The following BTBD9 variants were observed in gnomAD, a reference collection of about 807,000 sequenced individuals.
The protein encoded by BTBD9 is BTB/POZ domain-containing protein 9.
A neutral mutation model predicts 64.3 loss-of-function variants in BTBD9; 49 were observed. That is an observed-to-expected ratio of 0.76 (90% CI 0.61 to 0.97). BTBD9 has a LOEUF of 0.97. Ranked by LOEUF, BTBD9 falls within the 50% of genes least tolerant of loss-of-function variation. BTBD9 has a pLI of 0.00. For synonymous variants in BTBD9, 260 were observed against 274.7 expected (o/e 0.95, Z 0.53); for missense variants, 598 against 762.1 (o/e 0.78, Z 2.53).
intron 9 of BTBD9, among the ~76,000 whole-genome samples, chr6:38,227,040 G>A (rs924712166): frequency 6.6e-6 from 1 of 152,192 alleles, no homozygotes; most frequent in South Asian, 2.1e-4. Flanking sequence ...GCAGAGGCTG[G>A]GGCAATGTGA....
intron 7 of BTBD9, among the ~76,000 whole-genome samples, chr6:38,290,158 AAAGG>A (rs1761904195): frequency 1.3e-5 from 2 of 150,522 alleles, no homozygotes; most frequent in Admixed American, 6.7e-5. Flanking sequence ...CACAGAGAAG[AAAGG>A]AAGGGAGAGG....
At chr6:38,370,596 G>T (rs1765377666) in intron 6 of BTBD9, among the ~76,000 whole-genome samples, 1 of 152,134 alleles carries the variant, frequency 6.6e-6, no homozygotes, top group African/African-American at 2.4e-5. Flanking sequence ...AGTGACAAAA[G>T]ACATAAATTA....
intron 9 of BTBD9, among the ~76,000 whole-genome samples, chr6:38,234,442 A>G (rs1441843903): frequency 6.6e-6 from 1 of 152,234 alleles, no homozygotes; most frequent in Non-Finnish European, 1.5e-5. Context: ...GCTCGACCCC[A>G]CATGGAAGAG....
intron 9 of BTBD9, among the ~76,000 whole-genome samples, chr6:38,229,629 A>G (rs1162276846): frequency 6.6e-6 from 1 of 152,326 alleles, no homozygotes; most frequent in East Asian, 1.9e-4. Flanking sequence ...GGTTTGTAGC[A>G]GCCCCACCTA....
intron 7 of BTBD9, among the ~76,000 whole-genome samples, chr6:38,313,054 T>A (rs1269555437): frequency 1.3e-5 from 2 of 152,174 alleles, no homozygotes; most frequent in African/African-American, 4.8e-5. Context: ...ATATCTTTAC[T>A]TTTTTTGTGT....
chr6:38,271,901 C>T (rs1765208369), intron 8 of BTBD9, among the ~76,000 whole-genome samples: 1 of 147,782 alleles, frequency 6.8e-6, no homozygotes, highest in Admixed American at 7.0e-5. Context: ...GTGACAACTG[C>T]AGTGGCAATT....
At chr6:38,495,372 CA>C (rs1771905449) in intron 6 of BTBD9, among the ~76,000 whole-genome samples, 1 of 152,198 alleles carries the variant, frequency 6.6e-6, no homozygotes. Flanking sequence ...TTCTTACCAA[CA>C]AAAGAATGCA....
At chr6:38,318,278 G>A (rs1048880542) in intron 7 of BTBD9, among the ~76,000 whole-genome samples, 1 of 152,148 alleles carries the variant, frequency 6.6e-6, no homozygotes, top group Non-Finnish European at 1.5e-5. Context: ...TATTTAATTC[G>A]TCTGGTGAGG....
chr6:38,369,699 T>C (rs1343220357), intron 6 of BTBD9, among the ~76,000 whole-genome samples: 3 of 152,318 alleles, frequency 2.0e-5, no homozygotes, highest in Non-Finnish European at 2.9e-5. Context: ...TTGGGCAAAA[T>C]TGGAGCTTTA....
chr6:38,417,802 A>AGAGAGAGAGAGAGAGAG (rs55963730), intron 6 of BTBD9, among the ~76,000 whole-genome samples: 1 of 102,432 alleles, frequency 9.8e-6, no homozygotes, highest in African/African-American at 4.5e-5. Context: ...GAGAGAGAGA[A>AGAGAGAGAGAGAGAGAG]AAAAAATATT....
At position 38,386,679 on chromosome 6, in the gene BTBD9, G is replaced by GCC. The variant is rs1766185816; in HGVS notation, c.1155-41587_1155-41586insGG. On this transcript the variant is annotated intron_variant, in intron 6 of 10. Coordinates refer to ENST00000481247, the MANE Select transcript of BTBD9 (RefSeq NM_001099272.2). ...GAGTGGGGGGCCAGGGTCTTGTTCT[G>GCC]TCACCCAGGCTGAAGTGCAGTAGTA... 3.2e-5 allele frequency among the ~76,000 whole-genome samples: 3 copies of GCC among 92,678 alleles called. 1 individual carries two copies. The Admixed American group carries it at 4.8e-4, about 15-fold the overall frequency. The allele number at this position is 92,678 out of a possible 152,430, so 60.8% of individuals were successfully genotyped here. A position where few individuals can be genotyped will look rare whatever the true frequency, so the allele number is the denominator to read the frequency against.
chr6:38,441,559 C>A (rs1347110440), intron 6 of BTBD9, among the ~76,000 whole-genome samples: 1 of 151,948 alleles, frequency 6.6e-6, no homozygotes. Flanking sequence ...ACTACAGGCA[C>A]CCGCTACCGT....
chr6:38,446,144 C>T (rs528543356), intron 6 of BTBD9, among the ~76,000 whole-genome samples: 18 of 152,272 alleles, frequency 1.2e-4, no homozygotes, highest in African/African-American at 4.1e-4. Context: ...GCTCAGATAA[C>T]TGCAGACTTG....
intron 10 of BTBD9, among the ~76,000 whole-genome samples, chr6:38,180,295 C>T (rs936454685): frequency 3.9e-5 from 6 of 152,184 alleles, no homozygotes; most frequent in East Asian, 1.9e-4. Context: ...CTGGTGGCCA[C>T]GCTGCTGGGG....
chr6:38,572,276 CATAAAGTAGG>C, intron 6 of BTBD9, among the ~76,000 whole-genome samples: 1 of 152,234 alleles, frequency 6.6e-6, no homozygotes, highest in South Asian at 2.1e-4. Context: ...ACAACAATAG[CATAAAGTAGG>C]CGCTTATTTG....
chr6:38,533,114 A>AAAT (rs890809588), intron 6 of BTBD9, among the ~76,000 whole-genome samples: 2 of 152,008 alleles, frequency 1.3e-5, no homozygotes, highest in Non-Finnish European at 2.9e-5. Flanking sequence ...ATGGATTAAA[A>AAAT]AATAATAATA....
intron 6 of BTBD9, among the ~76,000 whole-genome samples, chr6:38,384,205 C>T (rs9394494): frequency 0.37 from 55,779 of 151,822 alleles, 12,405 homozygotes; most frequent in East Asian, 0.84. Context: ...ATTCTTTCTG[C>T]GAAGTATCTT....
chr6:38,404,913 T>C (rs1767097672), intron 6 of BTBD9, among the ~76,000 whole-genome samples: 1 of 152,196 alleles, frequency 6.6e-6, no homozygotes, highest in Admixed American at 6.5e-5. Flanking sequence ...GTTAGAGCCC[T>C]AGCCCTTTTC....
intron 1 of BTBD9, among the ~76,000 whole-genome samples, chr6:38,609,888 C>G (rs1345509890): frequency 6.6e-5 from 10 of 152,176 alleles, no homozygotes; most frequent in Non-Finnish European, 5.9e-5. Flanking sequence ...AAAGCACCAA[C>G]TTGGGATGTC....
Sources: gnomAD v4.1 joint callset for allele counts (sites outside exome capture counted in the v4.1 genomes callset) on GRCh38, gnomAD v4.1.1 for gene constraint, MANE v1.5 for transcripts, NCBI Gene and HGNC (gene_info 2026-07-23, HGNC 2026-07-21) for gene names.